Variants in CFAP57 observed in about 807,000 individuals in gnomAD.
The protein encoded by CFAP57 is cilia- and flagella-associated protein 57.
A neutral mutation model predicts 146.8 loss-of-function variants in CFAP57; 116 were observed. The ratio of observed to expected loss-of-function variants is 0.79; its 90% confidence interval spans 0.68 to 0.92. CFAP57 has a LOEUF of 0.92. CFAP57 is among the 40% of genes least tolerant of loss of function. CFAP57 has a pLI of 0.00. For synonymous variants in CFAP57, 518 were observed against 552.8 expected (o/e 0.94, Z 0.88); for missense variants, 1,377 against 1,527.2 (o/e 0.90, Z 1.64).
At chr1:43,248,832 G>A (rs1030742482) in intron 22 of CFAP57, among the ~76,000 whole-genome samples, 5 of 150,954 alleles carry the variant, frequency 3.3e-5, no homozygotes, top group African/African-American at 1.2e-4. Flanking sequence ...TTTTATACAT[G>A]AGAACAATTC....
In CFAP57 at chr1:43,222,282, C is replaced by G. The variant is rs1016465016; in HGVS notation, c.2519C>G (p.Thr840Ser). 5 of 1,448,390 alleles carry G rather than the reference C, an allele frequency of 3.5e-6. No homozygotes were observed. The highest frequency in any genetic ancestry group is 4.6e-6 in the Non-Finnish European group (5 of 1,096,420). 89.7% of individuals were successfully genotyped at this position (1,448,390 alleles called of 1,614,324 possible). Residue 840 changes from threonine to serine, a missense_variant, in exon 15 of 23, where the codon ACC (threonine) becomes AGC (serine). Transcript: ENST00000372492. ...GAGGCAAAACTGCAGGAGAAAACCA[C>G]CCTTCTGGAAGAGGTACTCACAGGA... The part of the protein sequence containing the change: ...FYEAKLQEKT[T>S]LLEEAQEDVR...
chr1:43,202,572 C>G (rs972113434), intron 9 of CFAP57, among the ~76,000 whole-genome samples: 1 of 151,204 alleles, frequency 6.6e-6, no homozygotes, highest in East Asian at 2.0e-4. Context: ...CCCTTGAGAT[C>G]GGGAGTTCGA....
chr1:43,179,855 C>T (rs986488829), intron 2 of CFAP57, among the ~76,000 whole-genome samples: 5 of 152,104 alleles, frequency 3.3e-5, no homozygotes, highest in South Asian at 4.1e-4. Context: ...TTATTGTTTT[C>T]GAGGGCTCTA....
chr1:43,178,418 C>A (rs1342022694), intron 2 of CFAP57, among the ~76,000 whole-genome samples: 1 of 152,068 alleles, frequency 6.6e-6, no homozygotes, highest in African/African-American at 2.4e-5. Context: ...CCAGAATCTA[C>A]AAAGAACTTA....
At chr1:43,175,237 T>TAC (rs1215107673) in intron 2 of CFAP57, among the ~76,000 whole-genome samples, 3 of 152,078 alleles carry the variant, frequency 2.0e-5, no homozygotes, top group Non-Finnish European at 4.4e-5. Flanking sequence ...TATGTATCTA[T>TAC]ACACATACAC....
chr1:43,249,466 G>A (rs1298200726), intron 22 of CFAP57, among the ~76,000 whole-genome samples: 2 of 103,772 alleles, frequency 1.9e-5, no homozygotes, highest in Non-Finnish European at 3.5e-5. Flanking sequence ...GTCTTGCTGT[G>A]TCACCCAGGC....
chr1:43,178,000 G>A (rs1451549785), intron 2 of CFAP57, among the ~76,000 whole-genome samples: 1 of 152,196 alleles, frequency 6.6e-6, no homozygotes, highest in African/African-American at 2.4e-5. Context: ...CTTTGGAGGA[G>A]TGGCCAAAAA....
At chr1:43,223,917 T>C in intron 16 of CFAP57, 129 bp from the exon 17 acceptor site, 1 of 1,104,540 alleles carries the variant, frequency 9.1e-7, no homozygotes, top group East Asian at 2.6e-5. Context: ...CCCAGAAATG[T>C]TGAATGCTAA....
chr1:43,184,387 G>A (rs758724851), intron 4 of CFAP57, among the ~76,000 whole-genome samples: 4 of 152,190 alleles, frequency 2.6e-5, no homozygotes, highest in East Asian at 3.8e-4. Flanking sequence ...GAGATGCCAC[G>A]TTATCTCTAT....
intron 4 of CFAP57, among the ~76,000 whole-genome samples, chr1:43,184,239 G>A (rs564779769): frequency 6.6e-6 from 1 of 152,268 alleles, no homozygotes; most frequent in Admixed American, 6.5e-5. Flanking sequence ...AGATGCTGGG[G>A]ACACAAGTCC....
At chr1:43,223,088 C>T in intron 16 of CFAP57, 91 bp downstream of exon 16, 1 of 1,381,016 alleles carries the variant, frequency 7.2e-7, no homozygotes, top group Non-Finnish European at 9.7e-7. Context: ...GGGGTGCTGG[C>T]CAGGGTCCTG....
intron 21 of CFAP57, among the ~76,000 whole-genome samples, chr1:43,240,769 A>G (rs1230780409): frequency 6.6e-6 from 1 of 152,192 alleles, no homozygotes; most frequent in African/African-American, 2.4e-5. Context: ...CTTCTGGTCA[A>G]GACCTCAGGA....
chr1:43,230,280 C>T (rs998773751), intron 18 of CFAP57, among the ~76,000 whole-genome samples: 1 of 152,216 alleles, frequency 6.6e-6, no homozygotes, highest in South Asian at 2.1e-4. Context: ...CTTCCAGCTG[C>T]CATTGCCTTG....
chr1:43,197,764 T>C lies in CFAP57; in HGVS notation c.1262+72T>C, dbSNP rs1643927620. The C allele has an allele frequency of 5.7e-6, 9 of 1,588,210 alleles. 1 individual carries two copies. The Admixed American group carries it at 1.5e-4, about 27-fold the overall frequency. On this transcript the variant is annotated intron_variant, in intron 7 of 22. Transcript: ENST00000372492. ...GTGAATTTATGTGAATTATTTTAAT[T>C]ACAGTGTTCCAAACTTTAATTATTT...
intron 10 of CFAP57, 71 bp downstream of exon 10, chr1:43,207,003 A>G: frequency 6.7e-7 from 1 of 1,501,208 alleles, no homozygotes. Context: ...TGCTTACAGC[A>G]CAAAGTATGC....
intron 2 of CFAP57, chr1:43,177,083 G>T (rs1048217630): frequency 2.4e-5 from 11 of 455,104 alleles, no homozygotes; most frequent in African/African-American, 8.0e-5. Flanking sequence ...CCATAAAGGG[G>T]TGCGTTCTGA....
At chr1:43,245,122 A>G (rs1036229167) in intron 22 of CFAP57, among the ~76,000 whole-genome samples, 1 of 152,086 alleles carries the variant, frequency 6.6e-6, no homozygotes, top group African/African-American at 2.4e-5. Flanking sequence ...TAGCCTGGGC[A>G]ACATGGCGAA....
Position 43,226,965 on chromosome 1 carries a change from C to G in CFAP57, c.2866-18C>G, listed in dbSNP as rs1429025438. On this transcript the variant is annotated intron_variant, in intron 17 of 22. Coordinates refer to ENST00000372492, the MANE Select transcript of CFAP57 (RefSeq NM_001378189.1). ...GGGCCTTACAATATCTCTCACTTCT[C>G]TCTCATCTCACCCCCAGGAGAAGCG... The G allele has an allele frequency of 1.3e-6, 2 of 1,488,160 alleles. No homozygotes were observed. The highest frequency in any genetic ancestry group is 1.4e-5 in the African/African-American group (1 of 70,642). The allele number at this position is 1,488,160 out of a possible 1,614,324, so 92.2% of individuals were successfully genotyped here. A position where few individuals can be genotyped will look rare whatever the true frequency, so the allele number is the denominator to read the frequency against.
intron 22 of CFAP57, among the ~76,000 whole-genome samples, chr1:43,248,379 G>A (rs916566964): frequency 4.1e-5 from 6 of 147,730 alleles, no homozygotes; most frequent in African/African-American, 1.0e-4. Flanking sequence ...GTGCAGTGGC[G>A]CAATCTCGGC....
Sources: allele counts gnomAD v4.1 joint callset (sites outside exome capture counted in the v4.1 genomes callset), GRCh38; gene constraint gnomAD v4.1.1; transcripts MANE v1.5; gene names NCBI Gene and HGNC (gene_info 2026-07-23, HGNC 2026-07-21).